Variants in ESRRG observed in about 807,000 individuals in gnomAD.
ESRRG encodes the protein estrogen related receptor gamma, also known as estrogen-related receptor gamma.
Under a neutral mutation model 44.0 loss-of-function variants are expected in ESRRG, and 13 were observed. The ratio of observed to expected loss-of-function variants is 0.30; its 90% confidence interval spans 0.19 to 0.47. ESRRG has a LOEUF of 0.47. Among genes scored for constraint, ESRRG ranks in the 20% least tolerant of loss-of-function variants. ESRRG has a pLI of 1.00. For missense variants in ESRRG, 395 were observed against 580.6 expected (o/e 0.68, Z 3.29); for synonymous variants, 215 against 214.6 (o/e 1.00, Z -0.02).
At chr1:216,530,121 AAAAAAAAAAAAAG>A (rs1337295458) in intron 5 of ESRRG, among the ~76,000 whole-genome samples, 11 of 150,690 alleles carry the variant, frequency 7.3e-5, no homozygotes, top group Non-Finnish European at 1.5e-4. Context: ...AAAAAAAAAA[AAAAAAAAAAAAAG>A]GGGGTGGGGG....
At chr1:216,726,153 A>G (rs147660298), upstream of ESRRG, among the ~76,000 whole-genome samples, 5 of 152,242 alleles carry the variant, frequency 3.3e-5, no homozygotes, top group South Asian at 6.2e-4. Context: ...TTCACTAACC[A>G]TATTTCATCT....
In ESRRG at chr1:216,755,237, T is replaced by C. The variant is rs927729317; in HGVS notation, c.-13-77746A>G. Reference sequence around the variant, plus strand: ...TGATGTTCTGTAATTTCCTGAATTATGGTTTTATATTAAATGTCATTCCTC... The same window carrying C: ...TGATGTTCTGTAATTTCCTGAATTACGGTTTTATATTAAATGTCATTCCTC... On this transcript the variant is annotated intron_variant, in intron 2 of 7. Transcript: ENST00000359162. Among the ~76,000 whole-genome samples, 20 of 152,128 alleles carry C rather than the reference T, an allele frequency of 1.3e-4. No individual in the cohort carries two copies. The East Asian group carries it at 1.5e-3, about 12-fold the overall frequency.
At chr1:216,648,692 A>G (rs2068198315) in intron 3 of ESRRG, among the ~76,000 whole-genome samples, 1 of 152,214 alleles carries the variant, frequency 6.6e-6, no homozygotes, top group Non-Finnish European at 1.5e-5. Context: ...TATATTCCTA[A>G]AATTGGAGAA....
intron 5 of ESRRG, among the ~76,000 whole-genome samples, chr1:216,527,119 G>A (rs1346868614): frequency 1.3e-5 from 2 of 152,138 alleles, no homozygotes; most frequent in South Asian, 2.1e-4. Flanking sequence ...CACAGTAAAA[G>A]TGGATAAGAC....
At chr1:216,856,390 C>T (rs2095940954) in intron 2 of ESRRG, among the ~76,000 whole-genome samples, 1 of 150,630 alleles carries the variant, frequency 6.6e-6, no homozygotes, top group Non-Finnish European at 1.5e-5. Flanking sequence ...CACACACACA[C>T]TTGGAACGAA....
Position 217,024,275 on chromosome 1 carries a change from G to A in ESRRG, c.-106+65232C>T, listed in dbSNP as rs185258509. Among the ~76,000 whole-genome samples the A allele has an allele frequency of 1.6e-3, 240 of 151,898 alleles. 3 individuals carry two copies. In the East Asian group the frequency reaches 0.016, roughly 10 times the overall value. ...CGGGAGGCTGAGGCAGGAGAATGGC[G>A]TGAACCCGGGAGGTGGAGCTTGCAG... On this transcript the variant is annotated intron_variant, in intron 1 of 7. Transcript: ENST00000359162.
intron 3 of ESRRG, among the ~76,000 whole-genome samples, chr1:216,640,885 C>G (rs892708869): frequency 5.9e-5 from 9 of 152,110 alleles, no homozygotes; most frequent in Non-Finnish European, 1.2e-4. Context: ...TAAACAGAGT[C>G]CTATATGGTT....
At chr1:216,590,139 ATC>A (rs1204976519) in intron 3 of ESRRG, among the ~76,000 whole-genome samples, 2 of 151,924 alleles carry the variant, frequency 1.3e-5, no homozygotes, top group African/African-American at 4.8e-5. Context: ...ACAGATCCTT[ATC>A]TATGCCAAAA....
chr1:217,115,441 A>G (rs921969077), intron 1 of ESRRG, among the ~76,000 whole-genome samples: 1 of 152,048 alleles, frequency 6.6e-6, no homozygotes, highest in Admixed American at 6.6e-5. Context: ...AGGGCCCTAT[A>G]TGATCCGTAA....
At chr1:216,694,185 A>G in intron 1 of ESRRG, among the ~76,000 whole-genome samples, 1 of 152,236 alleles carries the variant, frequency 6.6e-6, no homozygotes, top group Non-Finnish European at 1.5e-5. Context: ...AATGGAAGGT[A>G]TATCTCATTG....
rs76346223 is a variant in ESRRG, at chr1:217,074,852, G to A, written c.-106+14655C>T. ...CATCTCCCAAGTGATGAAAGCTACT[G>A]TGATGTACAGTTGTCACTATGACAG... On this transcript the variant is annotated intron_variant, in intron 1 of 7. Transcript: ENST00000359162. Among the ~76,000 whole-genome samples the A allele has an allele frequency of 6.5e-3, 995 of 152,288 alleles. 14 individuals carry two copies. The highest frequency in any genetic ancestry group is 0.023 in the African/African-American group (954 of 41,562).
chr1:216,958,478 A>T (rs2068390683), intron 1 of ESRRG, among the ~76,000 whole-genome samples: 1 of 150,660 alleles, frequency 6.6e-6, no homozygotes, highest in South Asian at 2.1e-4. Flanking sequence ...GGCCATATTA[A>T]TGGGTATACA....
chr1:216,718,429 T>C (rs1197235847), intron 1 of ESRRG, among the ~76,000 whole-genome samples: 2 of 151,884 alleles, frequency 1.3e-5, no homozygotes, highest in African/African-American at 4.8e-5. Context: ...AATAATAGTA[T>C]AGTTCATGTA....
At chr1:216,600,375 T>C (rs1282324149) in intron 3 of ESRRG, among the ~76,000 whole-genome samples, 4 of 152,136 alleles carry the variant, frequency 2.6e-5, no homozygotes, top group African/African-American at 9.7e-5. Flanking sequence ...TGCGGATTCA[T>C]CGATTGTTAA....
chr1:216,598,199 G>A (rs948745808), intron 3 of ESRRG, among the ~76,000 whole-genome samples: 1 of 152,120 alleles, frequency 6.6e-6, no homozygotes, highest in African/African-American at 2.4e-5. Context: ...AGGAAATATA[G>A]AACTGTGAAT....
At chr1:216,651,582 C>T (rs2151065102) in intron 2 of ESRRG, among the ~76,000 whole-genome samples, 1 of 152,222 alleles carries the variant, frequency 6.6e-6, no homozygotes, top group East Asian at 1.9e-4. Flanking sequence ...TTATAGTAAG[C>T]TCCTAGAGGG....
chr1:216,897,558 TAC>T (rs1361184164), intron 2 of ESRRG, among the ~76,000 whole-genome samples: 1 of 152,162 alleles, frequency 6.6e-6, no homozygotes, highest in African/African-American at 2.4e-5. Flanking sequence ...CCCTGCAAAG[TAC>T]ACAGTTTTGA....
Position 217,075,601 on chromosome 1 carries a change from C to A in ESRRG, c.-106+13906G>T, listed in dbSNP as rs553839010. Among the ~76,000 whole-genome samples the A allele has an allele frequency of 5.7e-5, 8 of 140,406 alleles. No individual in the cohort carries two copies. In the East Asian group the frequency reaches 1.8e-3, roughly 31 times the overall value. 92.1% of individuals were successfully genotyped at this position (140,406 alleles called of 152,430 possible). ...CAAATTGCTCCTTTCCCCCCCCCAA[C>A]ATTAATTACTAGAGTCTATTCTTTT... is the stretch of plus-strand genomic sequence containing the variant. On this transcript the variant is annotated intron_variant, in intron 1 of 7. Coordinates refer to the ESRRG transcript ENST00000359162.
Position 216,723,264 on chromosome 1 carries a change from A to T in ESRRG, c.36T>A (p.Phe12Leu), listed in dbSNP as rs1268215854. ...DSVELCLPES[F>L]SLHYEEELLC... is the part of the protein sequence containing the mutation. ...CCTACTCTTCCTCGTAGTGCAGGGAAAAAGATTCAGGAAGGCAAAGTTCTA... is the reference window on the plus strand; with the variant it reads ...CCTACTCTTCCTCGTAGTGCAGGGATAAAGATTCAGGAAGGCAAAGTTCTA... The change falls in exon 1 of 7, where the codon TTT (phenylalanine) becomes TTA (leucine). Residue 12 changes from phenylalanine to leucine, a missense_variant. Physicochemically the swap from Phe to Leu is conservative, Grantham distance 22. This residue lies in a region of ESRRG where 148 missense variants were observed against 150.4 expected (regional missense o/e 0.98). Transcript: ENST00000408911. The T allele has an allele frequency of 6.2e-7, 1 of 1,614,130 alleles. No homozygotes were observed. Among genetic ancestry groups the T allele is most frequent in the Non-Finnish European group, 8.5e-7 (1 of 1,180,016 alleles).
Sources: gnomAD v4.1 joint callset for allele counts (sites outside exome capture counted in the v4.1 genomes callset) on GRCh38, gnomAD v4.1.1 for gene constraint, gnomAD v4.1.1 regional missense constraint, MANE v1.5 for transcripts, NCBI Gene and HGNC (gene_info 2026-07-23, HGNC 2026-07-21) for gene names.